CLSTN1: variants seen among roughly 807,000 people sequenced by gnomAD.
CLSTN1 encodes calsyntenin 1, also known as calsyntenin-1.
CLSTN1 carries 28 observed loss-of-function variants against 108.3 expected under a neutral mutation model. That is an observed-to-expected ratio of 0.26 (90% CI 0.19 to 0.35). The LOEUF (loss-of-function observed/expected upper bound fraction) is 0.35. Ranked by LOEUF, CLSTN1 falls within the 10% of genes least tolerant of loss-of-function variation. The pLI, the probability that CLSTN1 is intolerant of heterozygous loss-of-function variation, is 1.00. For synonymous variants in CLSTN1, 524 were observed against 534.9 expected, an observed-to-expected ratio of 0.98 and a Z score of 0.28; for missense variants, 1,157 against 1,302.6, an observed-to-expected ratio of 0.89 and a Z score of 1.72.
At chr1:9,806,636 T>C (rs1654518890) in intron 1 of CLSTN1, among the ~76,000 whole-genome samples, 1 of 152,122 alleles carries the variant, frequency 6.6e-6, no homozygotes. Flanking sequence ...TCCCAGCACT[T>C]TGGGAGGCCG....
intron 5 of CLSTN1, among the ~76,000 whole-genome samples, chr1:9,750,589 G>A (rs1220670902): frequency 6.6e-6 from 1 of 151,914 alleles, no homozygotes; most frequent in Non-Finnish European, 1.5e-5. Flanking sequence ...GTGTGTGCCT[G>A]CAGTCCCAGC....
chr1:9,806,501 A>C (rs1654512166), intron 1 of CLSTN1, among the ~76,000 whole-genome samples: 1 of 152,206 alleles, frequency 6.6e-6, no homozygotes, highest in South Asian at 2.1e-4. Flanking sequence ...CTTTAAGAGA[A>C]TGTTACAAAA....
chr1:9,817,238 AAAG>A (rs1208337914), intron 1 of CLSTN1, among the ~76,000 whole-genome samples: 1 of 152,172 alleles, frequency 6.6e-6, no homozygotes, highest in Non-Finnish European at 1.5e-5. Context: ...ATGTCTGACC[AAAG>A]AAGTAAAAAA....
intron 1 of CLSTN1, among the ~76,000 whole-genome samples, chr1:9,796,212 A>G (rs1018821359): frequency 1.7e-4 from 25 of 148,570 alleles, no homozygotes; most frequent in Non-Finnish European, 3.0e-4. Flanking sequence ...CAGTGAGCGG[A>G]GATCATGCCA....
chr1:9,788,471 G>A (rs1409681133), intron 1 of CLSTN1, among the ~76,000 whole-genome samples: 1 of 151,194 alleles, frequency 6.6e-6, no homozygotes, highest in Non-Finnish European at 1.5e-5. Flanking sequence ...GGGAGACTGA[G>A]GCAGGACAAT....
At chr1:9,784,977 T>C (rs1000074912) in intron 1 of CLSTN1, among the ~76,000 whole-genome samples, 1 of 151,942 alleles carries the variant, frequency 6.6e-6, no homozygotes, top group African/African-American at 2.4e-5. Flanking sequence ...TCTCTAAGTA[T>C]TGTCCCTAGT....
In CLSTN1 at chr1:9,771,963, T is replaced by C. The variant is rs530004105; in HGVS notation, c.214+1309A>G. ...TCATCCAATTTTTCTTATTTGTCCC[T>C]AGACAAATAGAACACTTTTTTTTTT... On this transcript the variant is annotated intron_variant, in intron 2 of 18. Transcript: ENST00000377298. Among the ~76,000 whole-genome samples, 10 of 151,932 alleles carry C rather than the reference T, an allele frequency of 6.6e-5. No individual in the cohort carries two copies. The South Asian group carries it at 2.1e-3, about 32-fold the overall frequency.
intron 1 of CLSTN1, among the ~76,000 whole-genome samples, chr1:9,797,821 T>A (rs745566112): frequency 1.3e-5 from 2 of 151,976 alleles, no homozygotes; most frequent in Non-Finnish European, 2.9e-5. Flanking sequence ...AGCTACTGAT[T>A]GGCGGTTCCT....
At chr1:9,781,546 C>T (rs571471902) in intron 1 of CLSTN1, among the ~76,000 whole-genome samples, 8 of 151,542 alleles carry the variant, frequency 5.3e-5, no homozygotes, top group South Asian at 2.1e-4. Flanking sequence ...CGGGTTCAAG[C>T]GATTCTCCTG....
At chr1:9,795,131 A>C (rs931607472) in intron 1 of CLSTN1, among the ~76,000 whole-genome samples, 1 of 151,084 alleles carries the variant, frequency 6.6e-6, no homozygotes, top group Non-Finnish European at 1.5e-5. Context: ...ATGCTTTTAC[A>C]TAGAATTCTT....
intron 1 of CLSTN1, among the ~76,000 whole-genome samples, chr1:9,816,041 C>A (rs1654955382): frequency 6.6e-6 from 1 of 152,170 alleles, no homozygotes; most frequent in East Asian, 1.9e-4. Flanking sequence ...TATGTCCACA[C>A]AAATTCCTGT....
chr1:9,740,940 G>C (rs967587520), intron 10 of CLSTN1, among the ~76,000 whole-genome samples, 154 bp downstream of exon 10: 18 of 152,124 alleles, frequency 1.2e-4, no homozygotes, highest in Non-Finnish European at 2.4e-4. Flanking sequence ...GGTAACGGCA[G>C]TGTCCCCAAA....
intron 1 of CLSTN1, among the ~76,000 whole-genome samples, chr1:9,817,299 G>C (rs1022151851): frequency 6.6e-6 from 1 of 152,034 alleles, no homozygotes; most frequent in Non-Finnish European, 1.5e-5. Flanking sequence ...ACTTCTTATT[G>C]GGGTTCCGGA....
chr1:9,808,315 G>A lies in CLSTN1; in HGVS notation c.91+15328C>T, dbSNP rs182848235. ...GTTCAAGGCTCAACAGCACTGTACT[G>A]CAACGTGGGTGAGCGTGAACGCATG... On this transcript the variant is annotated intron_variant, in intron 1 of 18. Transcript: ENST00000377298. Among the ~76,000 whole-genome samples, 38 of 152,330 alleles carry A rather than the reference G, an allele frequency of 2.5e-4. 1 individual carries two copies. Among genetic ancestry groups the A allele is most frequent in the Admixed American group, 2.4e-3 (37 of 15,296 alleles).
rs1301100649 is a variant in CLSTN1 at position 9,730,847 on chromosome 1, C to T, written c.2749-142G>A. The T allele has an allele frequency of 2.5e-5, 20 of 791,656 alleles. No individual in the cohort carries two copies. The highest frequency in any genetic ancestry group is 6.0e-6 in the Non-Finnish European group (3 of 496,602). 49.0% of individuals were successfully genotyped at this position (791,656 alleles called of 1,614,324 possible). A position where few individuals can be genotyped will look rare whatever the true frequency, so the allele number is the denominator to read the frequency against. On this transcript the variant is annotated intron_variant, in intron 18 of 18. Coordinates refer to ENST00000377298, the MANE Select transcript of CLSTN1 (RefSeq NM_001009566.3). The surrounding 1 kb of genome is among the most constrained non-coding windows in gnomAD (Gnocchi z 5.6). ...AGCGACAGAGCAGCCAGGACGGCAC[C>T]GGAAGTTATATTAGAAGTGAAGGGA...
In CLSTN1 at chr1:9,734,913, A is replaced by C. The variant is rs1650601014; in HGVS notation, c.2110+35T>G. 1 of 1,571,186 alleles carries C rather than the reference A, an allele frequency of 6.4e-7. No homozygotes were observed. The highest frequency in any genetic ancestry group is 1.4e-5 in the African/African-American group (1 of 74,002). ...ATGGGGACAATGGGGTTTCCGGCCG[A>C]GGCGAGGGAGCCCGCGCCCCACAGA... On this transcript the variant is annotated intron_variant, in intron 14 of 18. Transcript: ENST00000377298. The surrounding 1 kb of genome is among the most constrained non-coding windows in gnomAD (Gnocchi z 4.8).
intron 2 of CLSTN1, among the ~76,000 whole-genome samples, chr1:9,758,005 G>T (rs921841696): frequency 3.5e-5 from 5 of 143,978 alleles, no homozygotes; most frequent in East Asian, 2.1e-4. Context: ...TGTTTGTTTT[G>T]GGGGGGGGTG....
Position 9,823,760 on chromosome 1 carries a change from G to A in CLSTN1, c.-27C>T. 1 of 1,014,806 alleles carries A rather than the reference G, an allele frequency of 9.9e-7. No homozygotes were observed. The highest frequency in any genetic ancestry group is 1.2e-6 in the Non-Finnish European group (1 of 846,640). The allele number at this position is 1,014,806 out of a possible 1,614,324, so 62.9% of individuals were successfully genotyped here. ...GCCAGCCCGGGGCGGGAGCGGCAGG[G>A]AGGCGCGCGGGACGCCGAGCGGAGC... On this transcript the variant is annotated 5_prime_UTR_variant, in exon 1 of 19. Transcript: ENST00000377298. This position sits in a 1 kb window ranked among gnomAD's most constrained non-coding sequence, Gnocchi z 6.3.
At chr1:9,774,793 G>A (rs940659961) in intron 1 of CLSTN1, among the ~76,000 whole-genome samples, 1 of 151,992 alleles carries the variant, frequency 6.6e-6, no homozygotes, top group African/African-American at 2.4e-5. Flanking sequence ...AGAAAGAATG[G>A]CTACTCCACA....
Sources: gnomAD v4.1 joint callset for allele counts (sites outside exome capture counted in the v4.1 genomes callset) on GRCh38, gnomAD v4.1.1 for gene constraint, Gnocchi (gnomAD v3.1) non-coding constraint, MANE v1.5 for transcripts, NCBI Gene and HGNC (gene_info 2026-07-23, HGNC 2026-07-21) for gene names.